The following PTPRZ1 variants were observed in gnomAD, a reference collection of about 807,000 sequenced individuals.
PTPRZ1 encodes protein tyrosine phosphatase receptor type Z1, also known as receptor-type tyrosine-protein phosphatase zeta.
PTPRZ1 carries 82 observed loss-of-function variants against 214.1 expected under a neutral mutation model. The ratio of observed to expected loss-of-function variants is 0.38; its 90% CI spans 0.32 to 0.46. The LOEUF (loss-of-function observed/expected upper bound fraction) is 0.46. Among genes scored for constraint, PTPRZ1 ranks in the 20% least tolerant of loss-of-function variants. The pLI, the probability that PTPRZ1 is intolerant of heterozygous loss-of-function variation, is 1.00. For synonymous variants in PTPRZ1, 945 were observed against 987.9 expected (o/e 0.96, Z 0.81); for missense variants, 2,603 against 2,748.7 (o/e 0.95, Z 1.19).
chr7:122,028,928 A>T (rs1458058446), intron 14 of PTPRZ1, among the ~76,000 whole-genome samples: 1 of 152,064 alleles, frequency 6.6e-6, no homozygotes, highest in African/African-American at 2.4e-5. Context: ...GCAATAAAAT[A>T]TTAGTTAAGA....
rs1798936254 is a variant in PTPRZ1 at position 122,019,105 on chromosome 7, C to T, written c.4844-19C>T. On this transcript the variant is annotated intron_variant, in intron 12 of 29. Coordinates refer to ENST00000393386, the MANE Select transcript of PTPRZ1 (RefSeq NM_002851.3). ...CCTTCACCTTAAATATCAATTCTCT[C>T]AATTTTCTCTGACTACAGAGGCCAG... is the stretch of plus-strand genomic sequence containing the variant. 2 of 1,584,370 alleles carry T rather than the reference C, an allele frequency of 1.3e-6. No homozygotes were observed. The highest frequency in any genetic ancestry group is 1.7e-6 in the Non-Finnish European group (2 of 1,162,832).
intron 22 of PTPRZ1, among the ~76,000 whole-genome samples, chr7:122,043,460 A>T (rs933412718): frequency 6.6e-6 from 1 of 152,200 alleles, no homozygotes; most frequent in Non-Finnish European, 1.5e-5. Flanking sequence ...AAGCCCATAT[A>T]GTTTACCCGT....
intron 14 of PTPRZ1, among the ~76,000 whole-genome samples, chr7:122,029,298 T>A (rs1171309097): frequency 6.6e-6 from 1 of 152,048 alleles, no homozygotes; most frequent in Non-Finnish European, 1.5e-5. Flanking sequence ...AGGGTCATTT[T>A]GATAGAGACA....
Position 122,061,227 on chromosome 7 carries a change from A to G in PTPRZ1, c.*7A>G. ...CTTAGAGTCTTTAGTTTAACACAGA[A>G]AGGGGTGGGGGAACTCACATCTGAG... On this transcript the variant is annotated 3_prime_UTR_variant, in exon 30 of 30. Coordinates refer to ENST00000393386, the MANE Select transcript of PTPRZ1 (RefSeq NM_002851.3). 2 of 1,579,392 alleles carry G rather than the reference A, an allele frequency of 1.3e-6. No homozygotes were observed. Among genetic ancestry groups the G allele is most frequent in the South Asian group, 2.3e-5 (2 of 86,216 alleles).
intron 14 of PTPRZ1, 30 bp from the exon 15 acceptor site, chr7:122,031,444 C>G (rs545784966): frequency 1.3e-5 from 19 of 1,505,116 alleles, no homozygotes; most frequent in African/African-American, 1.1e-4. Context: ...TTAAATTATG[C>G]TCTCTAACAC....
chr7:121,950,963 A>C (rs1275803196), intron 2 of PTPRZ1, among the ~76,000 whole-genome samples: 1 of 152,210 alleles, frequency 6.6e-6, no homozygotes, highest in Non-Finnish European at 1.5e-5. Flanking sequence ...TATGCTTTGA[A>C]TATGGTATCA....
intron 12 of PTPRZ1, among the ~76,000 whole-genome samples, chr7:122,015,131 A>G (rs1798807581): frequency 6.6e-6 from 1 of 152,228 alleles, no homozygotes; most frequent in Admixed American, 6.5e-5. Context: ...AGGGAAGTTC[A>G]ATCCTATTAA....
At chr7:122,033,349 G>C (rs892155518) in intron 15 of PTPRZ1, among the ~76,000 whole-genome samples, 3 of 151,198 alleles carry the variant, frequency 2.0e-5, no homozygotes, top group African/African-American at 7.3e-5. Context: ...TTTTTATTTT[G>C]GTTATCTACT....
intron 13 of PTPRZ1, among the ~76,000 whole-genome samples, chr7:122,020,659 T>C (rs1339450281): frequency 1.3e-5 from 2 of 152,212 alleles, no homozygotes; most frequent in African/African-American, 4.8e-5. Flanking sequence ...ATCAACTGTA[T>C]TTCATATCTG....
Position 122,012,082 on chromosome 7 carries a change from G to A in PTPRZ1, c.3036G>A (p.Gly1012=). ...AATTTCTTTTACCTGACACAGATGGGCTGACAGCCCTTAACATTTCTTCAC... is the reference window on the plus strand; with the variant it reads ...AATTTCTTTTACCTGACACAGATGGACTGACAGCCCTTAACATTTCTTCAC... ...DSEFLLPDTD[G]LTALNISSPV... Residue 1012 remains glycine (G), a synonymous_variant, in exon 12 of 30, where the codon GGG becomes GGA. Transcript: ENST00000393386. 6.2e-7 allele frequency: 1 copy of A among 1,614,132 alleles called. No individual in the cohort carries two copies. Among genetic ancestry groups the A allele is most frequent in the South Asian group, 1.1e-5 (1 of 91,078 alleles).
chr7:121,951,839 C>T (rs1262736946), intron 2 of PTPRZ1, among the ~76,000 whole-genome samples: 3 of 152,174 alleles, frequency 2.0e-5, no homozygotes, highest in African/African-American at 2.4e-5. Flanking sequence ...ACCTCCTCAT[C>T]CAAAAAGAGA....
intron 27 of PTPRZ1, 137 bp downstream of exon 27, chr7:122,055,224 T>C: frequency 1.6e-6 from 1 of 633,676 alleles, no homozygotes; most frequent in Non-Finnish European, 2.4e-6. Context: ...AATAATCAAA[T>C]TACCTTGTCA....
intron 10 of PTPRZ1, 103 bp downstream of exon 10, chr7:121,998,109 C>A: frequency 7.6e-7 from 1 of 1,318,288 alleles, no homozygotes; most frequent in South Asian, 1.4e-5. Flanking sequence ...GGCCAAAAGG[C>A]AAAGTGATTT....
At chr7:121,991,421 A>C (rs1196497) in intron 8 of PTPRZ1, among the ~76,000 whole-genome samples, 140,058 of 152,102 alleles carry the variant, frequency 0.92, 64,874 homozygotes, top group Non-Finnish European at 0.97. Flanking sequence ...TTAAAAAAAC[A>C]AAAACAATAA....
At chr7:121,973,795 A>G (rs1460320154) in intron 4 of PTPRZ1, among the ~76,000 whole-genome samples, 1 of 152,044 alleles carries the variant, frequency 6.6e-6, no homozygotes, top group Non-Finnish European at 1.5e-5. Flanking sequence ...TTAGCTGGTC[A>G]TGGTAGCACT....
chr7:121,971,423 C>T (rs535857847), intron 3 of PTPRZ1, among the ~76,000 whole-genome samples: 8 of 152,032 alleles, frequency 5.3e-5, no homozygotes, highest in Admixed American at 1.3e-4. Context: ...GGTCTGAAGG[C>T]GGCTATTTTT....
rs1008512173 is a variant in PTPRZ1, at chr7:121,952,018, A to G, written c.125-15933A>G. On this transcript the variant is annotated intron_variant, in intron 2 of 29. Coordinates refer to ENST00000393386, the MANE Select transcript of PTPRZ1 (RefSeq NM_002851.3). Reference sequence around the variant, plus strand: ...CTGTCGCCCAGGCTGGAGTGCAGTGACGCGATCTCGGCTCACTGCAAGCTC... The same window carrying G: ...CTGTCGCCCAGGCTGGAGTGCAGTGGCGCGATCTCGGCTCACTGCAAGCTC... 1.2e-3 allele frequency among the ~76,000 whole-genome samples: 183 copies of G among 149,270 alleles called. 1 individual carries two copies. The highest frequency in any genetic ancestry group is 6.6e-4 in the Non-Finnish European group (45 of 67,704).
intron 1 of PTPRZ1, among the ~76,000 whole-genome samples, chr7:121,882,034 G>A (rs970821855): frequency 6.6e-6 from 1 of 152,056 alleles, no homozygotes; most frequent in Non-Finnish European, 1.5e-5. Flanking sequence ...TATTAATCAG[G>A]TATAGGCTAT....
In PTPRZ1 at chr7:121,881,782, A is replaced by G. The variant is rs78666628; in HGVS notation, c.58+8225A>G. ...GGAGTGGGTCCAAAGATTCAAGTCT[A>G]TCAGCTGGTAGGAGGGTAAATGAAC... On this transcript the variant is annotated intron_variant, in intron 1 of 29. Coordinates refer to ENST00000393386, the MANE Select transcript of PTPRZ1 (RefSeq NM_002851.3). Among the ~76,000 whole-genome samples the G allele has an allele frequency of 3.0e-3, 450 of 152,258 alleles. 20 individuals carry two copies. The East Asian group carries it at 0.075, about 25-fold the overall frequency.
Sources: allele counts gnomAD v4.1 joint callset (sites outside exome capture counted in the v4.1 genomes callset), GRCh38; gene constraint gnomAD v4.1.1; transcripts MANE v1.5; gene names NCBI Gene and HGNC (gene_info 2026-07-23, HGNC 2026-07-21).